Variants in PEAK1 observed in about 807,000 individuals in gnomAD.
PEAK1 encodes pseudopodium enriched atypical kinase 1, also known as inactive tyrosine-protein kinase PEAK1.
Under a neutral mutation model 124.7 loss-of-function variants are expected in PEAK1, and 54 were observed. The observed-to-expected ratio is 0.43, with a 90% CI of 0.35 to 0.54. The LOEUF (loss-of-function observed/expected upper bound fraction) is 0.54, where lower values mean the gene tolerates loss of function less well. Ranked by LOEUF, PEAK1 falls within the 20% of genes least tolerant of loss-of-function variation. The probability of loss-of-function intolerance (pLI) is 0.01; values close to 1 mark genes in which losing one functional copy is unlikely to be tolerated. For missense variants in PEAK1, 2,046 were observed against 2,134.5 expected (o/e 0.96, Z 0.82); for synonymous variants, 719 against 760.0 (o/e 0.95, Z 0.89).
chr15:77,250,256 TA>T (rs67663920), intron 6 of PEAK1, among the ~76,000 whole-genome samples: 34,216 of 79,944 alleles, frequency 0.43, 5,106 homozygotes, highest in Non-Finnish European at 0.53. Flanking sequence ...TATATATATA[TA>T]TTTTTTTTTG....
At chr15:77,279,646 TA>T (rs966627018) in intron 5 of PEAK1, among the ~76,000 whole-genome samples, 1 of 152,232 alleles carries the variant, frequency 6.6e-6, no homozygotes, top group African/African-American at 2.4e-5. Flanking sequence ...ACCCTCACTC[TA>T]AACTTTCCCT....
rs761356386 is a variant in PEAK1, at chr15:77,179,824, T to G, written c.2103A>C (p.Ser701=). ...FSNSTEHKRG[S]VAQKVQEFNN... is the part of the protein sequence containing the mutation. ...TAAACTCTTGAACCTTCTGAGCCAC[T>G]GAGCCCCTTTTATGCTCTGTGCTGT... Residue 701 remains serine, a synonymous_variant, in exon 7 of 10, where the codon TCA becomes TCC. Transcript: ENST00000682557. 7 of 1,614,178 alleles carry G rather than the reference T, an allele frequency of 4.3e-6. No individual in the cohort carries two copies. The East Asian group carries it at 1.3e-4, about 31-fold the overall frequency.
At chr15:77,252,658 T>A (rs1027519382) in intron 5 of PEAK1, 132 bp from the exon 6 acceptor site, 8 of 533,880 alleles carry the variant, frequency 1.5e-5, no homozygotes, top group African/African-American at 1.5e-4. Flanking sequence ...TTAAGGAATA[T>A]CTTTTCTACT....
chr15:77,247,616 C>T (rs2060658073), intron 6 of PEAK1, among the ~76,000 whole-genome samples: 1 of 149,956 alleles, frequency 6.7e-6, no homozygotes, highest in African/African-American at 2.5e-5. Flanking sequence ...GCTGGGATTA[C>T]AGGTGTGTGC....
chr15:77,372,609 T>A lies in PEAK1; in HGVS notation c.-665-7384A>T, dbSNP rs941431893. ...AATTCCTATTCTACCTTTCCCTGTA[T>A]CTAAAATAGTTTAGATATGGCTGAA... is the stretch of plus-strand genomic sequence containing the variant. On this transcript the variant is annotated intron_variant, in intron 1 of 9. Coordinates refer to ENST00000682557, the MANE Select transcript of PEAK1 (RefSeq NM_001385026.1). Among the ~76,000 whole-genome samples, 7 of 152,200 alleles carry A rather than the reference T, an allele frequency of 4.6e-5. No individual in the cohort carries two copies. In the East Asian group the frequency reaches 1.3e-3, roughly 29 times the overall value.
chr15:77,348,556 G>C, intron 2 of PEAK1: 2 of 966,828 alleles, frequency 2.1e-6, no homozygotes, highest in Non-Finnish European at 2.5e-6. Flanking sequence ...AGCTTGGCAA[G>C]CTTAAGTGAC....
At chr15:77,276,104 C>T (rs148353245) in intron 5 of PEAK1, among the ~76,000 whole-genome samples, 26 of 152,044 alleles carry the variant, frequency 1.7e-4, no homozygotes, top group Non-Finnish European at 2.6e-4. Context: ...TTTGGTGACT[C>T]GTGAAACTAT....
At chr15:77,286,605 C>T (rs1212778267) in intron 2 of PEAK1, 101 bp from the exon 3 acceptor site, 19 of 513,502 alleles carry the variant, frequency 3.7e-5, no homozygotes, top group Non-Finnish European at 5.1e-5. Flanking sequence ...CAGAATCAAA[C>T]TCTTACTTAT....
In PEAK1 at chr15:77,225,215, C is replaced by A. The variant is rs1423982930; in HGVS notation, c.-115+27152G>T. 2.0e-5 allele frequency among the ~76,000 whole-genome samples: 3 copies of A among 151,972 alleles called. No individual in the cohort carries two copies. In the East Asian group the frequency reaches 5.8e-4, roughly 29 times the overall value. On this transcript the variant is annotated intron_variant, in intron 6 of 9. Transcript: ENST00000682557. ...ATTGAGATCTCAGCTCAGGCAATCT[C>A]ATTTCAGAGTTTAGGCTTTCAAGTA...
intron 5 of PEAK1, among the ~76,000 whole-genome samples, chr15:77,266,955 T>G (rs2061768205): frequency 6.6e-6 from 1 of 151,832 alleles, no homozygotes; most frequent in Admixed American, 6.6e-5. Flanking sequence ...TCCTCACTGG[T>G]TGCCTGGAAA....
chr15:77,402,066 G>A (rs2071413437), intron 1 of PEAK1: 1 of 756,550 alleles, frequency 1.3e-6, no homozygotes, highest in Non-Finnish European at 1.6e-6. Context: ...GGGCGTAGAG[G>A]CATGCACCTA....
chr15:77,257,328 T>C (rs2152932314), intron 5 of PEAK1, among the ~76,000 whole-genome samples: 1 of 150,480 alleles, frequency 6.6e-6, no homozygotes, highest in Non-Finnish European at 1.5e-5. Flanking sequence ...GTTGAACTAG[T>C]TTACAGTCCC....
chr15:77,169,900 G>T (rs1199794313), intron 7 of PEAK1, among the ~76,000 whole-genome samples: 2 of 152,146 alleles, frequency 1.3e-5, no homozygotes, highest in African/African-American at 2.4e-5. Context: ...GAACAGATTT[G>T]TAGGGAAAAA....
chr15:77,218,967 A>T (rs768087238), intron 6 of PEAK1, among the ~76,000 whole-genome samples: 33 of 152,222 alleles, frequency 2.2e-4, no homozygotes, highest in Non-Finnish European at 4.1e-4. Flanking sequence ...ATGAACAGTG[A>T]GATGCAGTGA....
At chr15:77,149,791 C>T (rs1056851273) in intron 8 of PEAK1, among the ~76,000 whole-genome samples, 5 of 151,996 alleles carry the variant, frequency 3.3e-5, no homozygotes, top group African/African-American at 1.2e-4. Context: ...CCTTTGTCAC[C>T]CAGGCTGCAA....
At chr15:77,286,234 T>TG (rs1286499076) in intron 3 of PEAK1, among the ~76,000 whole-genome samples, 189 bp downstream of exon 3, 3 of 152,340 alleles carry the variant, frequency 2.0e-5, no homozygotes, top group Admixed American at 6.5e-5. Flanking sequence ...GAGACTGTTA[T>TG]GATTTCTGTT....
At chr15:77,296,398 G>C (rs933140822) in intron 2 of PEAK1, among the ~76,000 whole-genome samples, 1 of 151,694 alleles carries the variant, frequency 6.6e-6, no homozygotes, top group African/African-American at 2.4e-5. Flanking sequence ...GATCACTTGA[G>C]GTGAGGAGTT....
intron 2 of PEAK1, among the ~76,000 whole-genome samples, chr15:77,295,325 A>C (rs2063429042): frequency 6.6e-6 from 1 of 152,172 alleles, no homozygotes; most frequent in African/African-American, 2.4e-5. Flanking sequence ...AACAGTTGCC[A>C]ATACTAAGGA....
At chr15:77,118,127 A>G (rs1449690767) in intron 9 of PEAK1, among the ~76,000 whole-genome samples, 1 of 152,242 alleles carries the variant, frequency 6.6e-6, no homozygotes, top group Non-Finnish European at 1.5e-5. Context: ...ATTTTATAAT[A>G]CATAGACAGG....
Sources: allele counts gnomAD v4.1 joint callset (sites outside exome capture counted in the v4.1 genomes callset), GRCh38; gene constraint gnomAD v4.1.1; transcripts MANE v1.5; gene names NCBI Gene and HGNC (gene_info 2026-07-23, HGNC 2026-07-21).